The following WIPF1 variants were observed in gnomAD, a reference collection of about 807,000 sequenced individuals.
WIPF1 encodes the protein WAS/WASL interacting protein family member 1, also known as WAS/WASL-interacting protein family member 1.
A neutral mutation model predicts 35.4 loss-of-function variants in WIPF1; 13 were observed. The ratio of observed to expected loss-of-function variants is 0.37; its 90% confidence interval spans 0.24 to 0.58. The LOEUF is 0.58. Among genes scored for constraint, WIPF1 ranks in the 20% least tolerant of loss-of-function variants. The pLI is 0.74. For synonymous variants in WIPF1, 267 were observed against 266.3 expected (o/e 1.00, Z -0.02); for missense variants, 591 against 667.0 (o/e 0.89, Z 1.25).
At chr2:174,672,890 C>T (rs1169278736) in intron 1 of WIPF1, among the ~76,000 whole-genome samples, 1 of 152,188 alleles carries the variant, frequency 6.6e-6, no homozygotes, top group Non-Finnish European at 1.5e-5. Flanking sequence ...ACAGAGGACG[C>T]AATGCACAAG....
At chr2:174,618,355 G>C (rs1215677124) in intron 1 of WIPF1, among the ~76,000 whole-genome samples, 4 of 152,200 alleles carry the variant, frequency 2.6e-5, no homozygotes, top group Non-Finnish European at 1.5e-5. Context: ...GAGGATCAAG[G>C]AGGGGCAGGC....
Position 174,649,938 on chromosome 2 carries a change from A to C in WIPF1, c.-39+32836T>G, listed in dbSNP as rs576830884. Among the ~76,000 whole-genome samples the C allele has an allele frequency of 2.6e-5, 4 of 152,338 alleles. No individual in the cohort carries two copies. In the South Asian group the frequency reaches 8.3e-4, roughly 32 times the overall value. On this transcript the variant is annotated intron_variant, in intron 1 of 8. Transcript: ENST00000272746. ...TGGTTCCTCCAGTCCTGACAATAAC[A>C]GACTAGAACCTGTGCTGCTGCAGTG...
intron 1 of WIPF1, chr2:174,655,438 G>C (rs527237207): frequency 6.6e-6 from 1 of 152,302 alleles, no homozygotes; most frequent in Admixed American, 6.5e-5. Flanking sequence ...CTTATAACAT[G>C]TGATGAGGCC....
intron 7 of WIPF1, chr2:174,566,848 T>G: frequency 2.1e-6 from 1 of 468,868 alleles, no homozygotes; most frequent in Non-Finnish European, 3.8e-6. Flanking sequence ...AACCACGGTA[T>G]TTTGAGCTTG....
chr2:174,586,984 G>A (rs976735349), intron 1 of WIPF1, among the ~76,000 whole-genome samples: 1 of 152,198 alleles, frequency 6.6e-6, no homozygotes, highest in Non-Finnish European at 1.5e-5. Flanking sequence ...TTAAACTGCA[G>A]AATTATATTT....
At chr2:174,657,771 G>A (rs977390581) in intron 1 of WIPF1, among the ~76,000 whole-genome samples, 7 of 151,982 alleles carry the variant, frequency 4.6e-5, no homozygotes, top group South Asian at 2.1e-4. Context: ...TTAGCTGGGC[G>A]TGGTGGTGCA....
chr2:174,666,721 T>C (rs1687899770), intron 1 of WIPF1, among the ~76,000 whole-genome samples: 1 of 152,238 alleles, frequency 6.6e-6, no homozygotes, highest in African/African-American at 2.4e-5. Flanking sequence ...AGCCTGCACA[T>C]GCCCAGGGGC....
At chr2:174,658,467 G>A (rs1687692003) in intron 1 of WIPF1, among the ~76,000 whole-genome samples, 1 of 152,186 alleles carries the variant, frequency 6.6e-6, no homozygotes, top group African/African-American at 2.4e-5. Context: ...GCAGGGCAAG[G>A]TGAGAAACAG....
chr2:174,672,592 A>C (rs1027923534), intron 1 of WIPF1, among the ~76,000 whole-genome samples: 1 of 152,274 alleles, frequency 6.6e-6, no homozygotes, highest in Admixed American at 6.5e-5. Context: ...AGTCAAAAAC[A>C]GGCATGGTAA....
chr2:174,643,352 C>A (rs1687338245), intron 1 of WIPF1, among the ~76,000 whole-genome samples: 1 of 149,338 alleles, frequency 6.7e-6, no homozygotes, highest in Non-Finnish European at 1.5e-5. Context: ...GTTAGCCTCC[C>A]ACTATCACGA....
At chr2:174,667,819 G>A (rs1438154177) in intron 1 of WIPF1, among the ~76,000 whole-genome samples, 3 of 152,230 alleles carry the variant, frequency 2.0e-5, no homozygotes, top group African/African-American at 7.2e-5. Context: ...TTTATGGAAA[G>A]GAAGTAGCCA....
chr2:174,585,588 C>G lies in WIPF1; in HGVS notation c.-15G>C, dbSNP rs184894583. 9.9e-6 allele frequency: 16 copies of G among 1,611,598 alleles called. No individual in the cohort carries two copies. In the South Asian group the frequency reaches 1.1e-4, roughly 11 times the overall value. The stretch of plus-strand genomic sequence containing the variant: ...GGGACAGGCATCTTGGGCAGTTATG[C>G]GTTCAACAGTCTTGCTGATAAATCT... On this transcript the variant is annotated 5_prime_UTR_variant, in exon 2 of 8. Transcript: ENST00000679041.
rs1170886258 is a variant in WIPF1 at position 174,643,220 on chromosome 2, TA to T, written c.-39+39553del. Among the ~76,000 whole-genome samples, 10 of 149,402 alleles carry T rather than the reference TA, an allele frequency of 6.7e-5. 1 individual carries two copies. Among genetic ancestry groups the T allele is most frequent in the African/African-American group, 2.1e-4 (8 of 38,800 alleles). On this transcript the variant is annotated intron_variant, in intron 1 of 8. Coordinates refer to the WIPF1 transcript ENST00000272746. ...TTTTTGTAAATGCTCCATGATCTTT[TA>T]AAAAAATTGTGTGTATGTCCTATTT...
Position 174,562,592 on chromosome 2 carries a change from G to A in WIPF1, c.1467C>T (p.Asn489=). Reference sequence around the variant, plus strand: ...GTGGTGGAGCACCCCTTTCTCTTCGGTTGGATCCACCTTGGTGAAAAAACA... The same window carrying A: ...GTGGTGGAGCACCCCTTTCTCTTCGATTGGATCCACCTTGGTGAAAAAACA... The part of the protein sequence containing the change: ...LARNESRSGS[N]RRERGAPPLP... Residue 489 remains asparagine, a synonymous_variant, in exon 8 of 8, where the codon AAC becomes AAT. Transcript: ENST00000679041. 6.2e-7 allele frequency: 1 copy of A among 1,614,122 alleles called. No individual in the cohort carries two copies. Among genetic ancestry groups the A allele is most frequent in the Non-Finnish European group, 8.5e-7 (1 of 1,180,016 alleles).
intron 1 of WIPF1, among the ~76,000 whole-genome samples, chr2:174,634,889 C>T (rs1377978617): frequency 6.6e-6 from 1 of 152,158 alleles, no homozygotes; most frequent in Admixed American, 6.5e-5. Context: ...GACTGGAGTT[C>T]AGCAGCTGAG....
intron 1 of WIPF1, among the ~76,000 whole-genome samples, chr2:174,631,763 T>C (rs949679950): frequency 6.6e-6 from 1 of 152,328 alleles, no homozygotes; most frequent in African/African-American, 2.4e-5. Context: ...CTCAAAACGA[T>C]ACCAAGGATG....
chr2:174,654,875 G>A (rs1687609959), intron 1 of WIPF1, among the ~76,000 whole-genome samples: 2 of 152,142 alleles, frequency 1.3e-5, no homozygotes, highest in Non-Finnish European at 2.9e-5. Flanking sequence ...TCTACCAGAG[G>A]ACAGGGGAGA....
intron 1 of WIPF1, among the ~76,000 whole-genome samples, chr2:174,672,303 T>C (rs1023583860): frequency 6.6e-5 from 10 of 152,242 alleles, no homozygotes; most frequent in African/African-American, 9.6e-5. Flanking sequence ...GTGATTTTTA[T>C]TGGATGTAAA....
chr2:174,567,245 C>T (rs546167717), intron 6 of WIPF1, 62 bp from the exon 7 acceptor site: 3 of 1,446,908 alleles, frequency 2.1e-6, no homozygotes, highest in South Asian at 1.2e-5. Context: ...ACTTACGTAA[C>T]GAAAGGCACA....
Sources: allele counts gnomAD v4.1 joint callset (sites outside exome capture counted in the v4.1 genomes callset), GRCh38; gene constraint gnomAD v4.1.1; transcripts MANE v1.5; gene names NCBI Gene and HGNC (gene_info 2026-07-23, HGNC 2026-07-21).